Variants in RAB3IP observed in about 807,000 individuals in gnomAD.
RAB3IP encodes the protein rab-3A-interacting protein.
In RAB3IP, 36 loss-of-function variants were observed where a neutral mutation model predicts 59.1. That is an observed-to-expected ratio of 0.61 (90% confidence interval 0.47 to 0.80). RAB3IP has a LOEUF of 0.80. Ranked by LOEUF, RAB3IP falls within the 30% of genes least tolerant of loss-of-function variation. RAB3IP has a pLI of 0.00. For missense variants in RAB3IP, 511 were observed against 536.0 expected (o/e 0.95, Z 0.46); for synonymous variants, 207 against 191.2 (o/e 1.08, Z -0.68).
chr12:69,813,164 C>T (rs1342128195), intron 10 of RAB3IP, 131 bp downstream of exon 10: 9 of 644,370 alleles, frequency 1.4e-5, no homozygotes, highest in Admixed American at 2.9e-5. Flanking sequence ...TATATTGAAT[C>T]CCTTCTATAG....
chr12:69,738,928 A>G lies in RAB3IP; in HGVS notation c.-129A>G, dbSNP rs957503756. ...AGCCCGCCGCCGTGGAGTGTAGCGG[A>G]AAGGGCTCGCCGTCCTCCTCCGTTT... On this transcript the variant is annotated 5_prime_UTR_variant, in exon 1 of 11. Coordinates refer to ENST00000247833, the MANE Select transcript of RAB3IP (RefSeq NM_022456.5). 1.3e-5 allele frequency: 2 copies of G among 152,058 alleles called. No individual in the cohort carries two copies. Among genetic ancestry groups the G allele is most frequent in the African/African-American group, 2.4e-5 (1 of 41,524 alleles). 9.4% of individuals were successfully genotyped at this position (152,058 alleles called of 1,614,324 possible).
At chr12:69,742,134 A>G (rs935418048) in intron 1 of RAB3IP, among the ~76,000 whole-genome samples, 2 of 152,232 alleles carry the variant, frequency 1.3e-5, no homozygotes, top group African/African-American at 4.8e-5. Context: ...GTGCTAGGAT[A>G]GTTGAGTAGT....
intron 3 of RAB3IP, among the ~76,000 whole-genome samples, chr12:69,762,116 G>T (rs980835131): frequency 1.3e-5 from 2 of 152,176 alleles, no homozygotes; most frequent in African/African-American, 4.8e-5. Flanking sequence ...ATCCCTGGAT[G>T]GACAACCACT....
intron 3 of RAB3IP, among the ~76,000 whole-genome samples, chr12:69,783,572 T>C (rs1336222532): frequency 6.6e-6 from 1 of 152,218 alleles, no homozygotes; most frequent in East Asian, 1.9e-4. Context: ...TTCGTAGCAC[T>C]CTTTGCTGCC....
intron 3 of RAB3IP, among the ~76,000 whole-genome samples, chr12:69,783,434 T>C (rs1875082703): frequency 6.6e-6 from 1 of 152,186 alleles, no homozygotes; most frequent in South Asian, 2.1e-4. Context: ...TCCTTCCTTC[T>C]CCCTGTCTTC....
At chr12:69,765,334 G>A (rs1002308373) in intron 3 of RAB3IP, among the ~76,000 whole-genome samples, 19 of 152,082 alleles carry the variant, frequency 1.2e-4, no homozygotes, top group African/African-American at 3.4e-4. Flanking sequence ...TTTCTTTAGC[G>A]TTTTTATCGT....
At chr12:69,807,310 G>GAC (rs1879530249) in intron 8 of RAB3IP, among the ~76,000 whole-genome samples, 1 of 139,114 alleles carries the variant, frequency 7.2e-6, no homozygotes, top group African/African-American at 2.7e-5. Flanking sequence ...CCTCCCAGAC[G>GAC]GGGCGGCCGG....
chr12:69,753,850 A>G, intron 1 of RAB3IP, among the ~76,000 whole-genome samples: 1 of 152,222 alleles, frequency 6.6e-6, no homozygotes, highest in East Asian at 1.9e-4. Flanking sequence ...TGAATTCTTC[A>G]GAGGAAAAAC....
chr12:69,807,566 C>T (rs1251239896), intron 8 of RAB3IP, among the ~76,000 whole-genome samples: 12 of 145,468 alleles, frequency 8.2e-5, no homozygotes, highest in Non-Finnish European at 1.5e-4. Flanking sequence ...CCTCACCTCT[C>T]AGACAGGGCG....
intron 8 of RAB3IP, among the ~76,000 whole-genome samples, chr12:69,810,171 C>G (rs938328570): frequency 2.6e-5 from 4 of 152,162 alleles, no homozygotes; most frequent in African/African-American, 9.7e-5. Flanking sequence ...CACTCCGGAC[C>G]CTGTTTGCCT....
Position 69,760,406 on chromosome 12 carries a change from A to G in RAB3IP, c.510+3743A>G, listed in dbSNP as rs577542767. On this transcript the variant is annotated intron_variant, in intron 3 of 10. Coordinates refer to ENST00000247833, the MANE Select transcript of RAB3IP (RefSeq NM_022456.5). ...CGAGGGAGACCGTGGGGAGAGGGAG[A>G]GGGAGACTGTGGGGAGAGGGAGAGG... Among the ~76,000 whole-genome samples, 8 of 152,156 alleles carry G rather than the reference A, an allele frequency of 5.3e-5. No homozygotes were observed. The East Asian group carries it at 1.5e-3, about 29-fold the overall frequency.
At chr12:69,775,281 G>A (rs1873718019) in intron 3 of RAB3IP, among the ~76,000 whole-genome samples, 1 of 110,676 alleles carries the variant, frequency 9.0e-6, no homozygotes, top group Non-Finnish European at 1.8e-5. Flanking sequence ...AGACTTTGCT[G>A]AAGTTGCTTA....
intron 10 of RAB3IP, 49 bp from the exon 11 acceptor site, chr12:69,815,315 T>TG (rs1485825201): frequency 7.7e-7 from 1 of 1,297,358 alleles, no homozygotes; most frequent in East Asian, 2.3e-5. Flanking sequence ...TTAAAAATAA[T>TG]GAAGATGGTA....
At chr12:69,798,701 A>G (rs1877916271) in intron 6 of RAB3IP, among the ~76,000 whole-genome samples, 2 of 152,266 alleles carry the variant, frequency 1.3e-5, no homozygotes, top group African/African-American at 2.4e-5. Context: ...TGATTTTTGT[A>G]TAAGGTATAA....
rs1419952797 is a variant in RAB3IP, at chr12:69,818,484, A to G, written c.*3038A>G. On this transcript the variant is annotated 3_prime_UTR_variant, in exon 11 of 11. Coordinates refer to ENST00000247833, the MANE Select transcript of RAB3IP (RefSeq NM_022456.5). ...AAAAAAGTATACCCATGGGTCAGCA[A>G]TTTCACTTTTCAGTATATACTTGAG... 2.6e-5 allele frequency: 4 copies of G among 152,010 alleles called. No individual in the cohort carries two copies. Among genetic ancestry groups the G allele is most frequent in the Non-Finnish European group, 5.9e-5 (4 of 68,016 alleles). 9.4% of individuals were successfully genotyped at this position (152,010 alleles called of 1,614,324 possible).
At chr12:69,745,059 T>C (rs1294432027) in intron 1 of RAB3IP, among the ~76,000 whole-genome samples, 4 of 152,216 alleles carry the variant, frequency 2.6e-5, no homozygotes, top group Non-Finnish European at 5.9e-5. Context: ...ATAAGGTAAG[T>C]AGACACAATA....
In RAB3IP at chr12:69,815,696, A is replaced by C. The variant is rs1016399132; in HGVS notation, c.*250A>C. On this transcript the variant is annotated 3_prime_UTR_variant, in exon 11 of 11. Transcript: ENST00000247833. ...AATTTATAGTTGCCAAAAAAAAAAA[A>C]AACCTGAAATAAATAAATGTTAGAT... 35 of 273,398 alleles carry C rather than the reference A, an allele frequency of 1.3e-4. No individual in the cohort carries two copies. Among genetic ancestry groups the C allele is most frequent in the South Asian group, 2.4e-4 (2 of 8,266 alleles). 16.9% of individuals were successfully genotyped at this position (273,398 alleles called of 1,614,324 possible).
At chr12:69,802,256 A>C (rs1365725090) in intron 8 of RAB3IP, among the ~76,000 whole-genome samples, 1 of 152,026 alleles carries the variant, frequency 6.6e-6, no homozygotes, top group Non-Finnish European at 1.5e-5. Context: ...GAGTTAGACT[A>C]AGTCTTATCG....
At chr12:69,803,750 T>C (rs1878770631) in intron 8 of RAB3IP, among the ~76,000 whole-genome samples, 2 of 152,126 alleles carry the variant, frequency 1.3e-5, no homozygotes, top group Non-Finnish European at 2.9e-5. Flanking sequence ...GTGCGGTGTT[T>C]GGTTTTTTTG....
Sources: gnomAD v4.1 joint callset for allele counts (sites outside exome capture counted in the v4.1 genomes callset) on GRCh38, gnomAD v4.1.1 for gene constraint, MANE v1.5 for transcripts, NCBI Gene and HGNC (gene_info 2026-07-23, HGNC 2026-07-21) for gene names.